The following CYP7B1 variants were observed in gnomAD, a reference collection of about 807,000 sequenced individuals.
CYP7B1 encodes cytochrome P450 family 7 subfamily B member 1.
CYP7B1 carries 29 observed loss-of-function variants against 42.7 expected under a neutral mutation model. The ratio of observed to expected loss-of-function variants is 0.68; its 90% CI spans 0.51 to 0.93. CYP7B1 has a LOEUF of 0.93. CYP7B1 is among the 40% of genes least tolerant of loss of function. The pLI, the probability that CYP7B1 is intolerant of heterozygous loss-of-function variation, is 0.00. For missense variants in CYP7B1, 655 were observed against 600.5 expected (o/e 1.09, Z -0.95); for synonymous variants, 235 against 218.2 (o/e 1.08, Z -0.68).
chr8:64,682,400 G>A (rs1168623402), intron 1 of CYP7B1, among the ~76,000 whole-genome samples: 5 of 152,150 alleles, frequency 3.3e-5, no homozygotes, highest in African/African-American at 4.8e-5. Context: ...ACCAAAAGGC[G>A]CTAACCTTTT....
chr8:64,702,039 A>C (rs1481423959), intron 1 of CYP7B1, among the ~76,000 whole-genome samples: 2 of 152,066 alleles, frequency 1.3e-5, no homozygotes, highest in African/African-American at 4.8e-5. Flanking sequence ...TTCATTTTGG[A>C]ACACGACCGG....
intron 1 of CYP7B1, among the ~76,000 whole-genome samples, chr8:64,748,420 G>C (rs1807678757): frequency 6.6e-6 from 1 of 152,082 alleles, no homozygotes; most frequent in Non-Finnish European, 1.5e-5. Flanking sequence ...AATCCAGTAA[G>C]TACTTCTCAG....
intron 1 of CYP7B1, among the ~76,000 whole-genome samples, chr8:64,754,535 C>G (rs1211266626): frequency 6.6e-6 from 1 of 151,982 alleles, no homozygotes; most frequent in Non-Finnish European, 1.5e-5. Flanking sequence ...ACTGGAAGGA[C>G]TAGAGGAAGT....
At chr8:64,736,477 C>A in intron 1 of CYP7B1, among the ~76,000 whole-genome samples, 1 of 152,096 alleles carries the variant, frequency 6.6e-6, no homozygotes, top group East Asian at 1.9e-4. Context: ...TTGAGACAGA[C>A]TTTTGCTCTG....
At chr8:64,602,212 C>T (rs1805214228) in intron 5 of CYP7B1, among the ~76,000 whole-genome samples, 1 of 152,238 alleles carries the variant, frequency 6.6e-6, no homozygotes, top group South Asian at 2.1e-4. Context: ...GTTATGCCCC[C>T]CTACAAAGTT....
chr8:64,713,332 A>G (rs1357904234), intron 1 of CYP7B1, among the ~76,000 whole-genome samples: 5 of 151,618 alleles, frequency 3.3e-5, no homozygotes, highest in Admixed American at 6.6e-5. Flanking sequence ...GATGCAATAA[A>G]AAGTTATCAG....
intron 1 of CYP7B1, among the ~76,000 whole-genome samples, chr8:64,694,294 C>A (rs1057324779): frequency 1.3e-5 from 2 of 152,142 alleles, no homozygotes; most frequent in African/African-American, 4.8e-5. Context: ...ACATTTGAAA[C>A]CTTATTTTCA....
At chr8:64,604,974 A>G (rs1451566233) in intron 4 of CYP7B1, 117 bp from the exon 5 acceptor site, 1 of 1,190,266 alleles carries the variant, frequency 8.4e-7, no homozygotes, top group Non-Finnish European at 1.2e-6. Flanking sequence ...CTGTTTCTTC[A>G]TCACATACAT....
chr8:64,773,456 GC>G (rs1414402047), intron 1 of CYP7B1, among the ~76,000 whole-genome samples: 1 of 152,096 alleles, frequency 6.6e-6, no homozygotes, highest in Non-Finnish European at 1.5e-5. Flanking sequence ...TAGGTCACAC[GC>G]CTACTCTTCA....
At chr8:64,672,879 C>T (rs1446925669) in intron 1 of CYP7B1, among the ~76,000 whole-genome samples, 3 of 152,098 alleles carry the variant, frequency 2.0e-5, no homozygotes, top group Non-Finnish European at 4.4e-5. Flanking sequence ...TTGGTTTGTT[C>T]TTTTCCAGGA....
chr8:64,744,759 C>T (rs541176789), intron 1 of CYP7B1, among the ~76,000 whole-genome samples: 9 of 152,272 alleles, frequency 5.9e-5, no homozygotes, highest in Non-Finnish European at 1.3e-4. Context: ...ATTTGATCCA[C>T]AACCAAATAT....
chr8:64,756,100 A>G (rs1807804129), intron 1 of CYP7B1, among the ~76,000 whole-genome samples: 1 of 152,206 alleles, frequency 6.6e-6, no homozygotes, highest in African/African-American at 2.4e-5. Context: ...AGAAGTGTCT[A>G]GCTTCCATGG....
At chr8:64,765,388 T>A (rs1367014374) in intron 1 of CYP7B1, among the ~76,000 whole-genome samples, 1 of 152,182 alleles carries the variant, frequency 6.6e-6, no homozygotes, top group Non-Finnish European at 1.5e-5. Flanking sequence ...GCTTACACCC[T>A]CTATGAAATG....
intron 5 of CYP7B1, among the ~76,000 whole-genome samples, chr8:64,601,408 C>G (rs1368852004): frequency 1.3e-5 from 2 of 152,186 alleles, no homozygotes; most frequent in African/African-American, 4.8e-5. Flanking sequence ...GTCACCAGGT[C>G]TCCCTTTATC....
chr8:64,767,320 A>G (rs1804111894), intron 1 of CYP7B1, among the ~76,000 whole-genome samples: 1 of 138,424 alleles, frequency 7.2e-6, no homozygotes, highest in Non-Finnish European at 1.5e-5. Context: ...TGCCAGGTTC[A>G]TCGGAAAGGA....
At chr8:64,692,861 G>C (rs1046976839) in intron 1 of CYP7B1, among the ~76,000 whole-genome samples, 5 of 152,108 alleles carry the variant, frequency 3.3e-5, no homozygotes, top group Non-Finnish European at 4.4e-5. Flanking sequence ...AACTGTTCTC[G>C]AGCCACATGT....
At chr8:64,686,032 C>G (rs1198910387) in intron 1 of CYP7B1, among the ~76,000 whole-genome samples, 1 of 108,950 alleles carries the variant, frequency 9.2e-6, no homozygotes, top group Non-Finnish European at 2.0e-5. Flanking sequence ...CGGCCAGCCA[C>G]CCCGTCCGGG....
chr8:64,794,732 A>G (rs1368441607), intron 1 of CYP7B1, among the ~76,000 whole-genome samples: 1 of 152,210 alleles, frequency 6.6e-6, no homozygotes, highest in East Asian at 1.9e-4. Context: ...GGGGAAGCAA[A>G]CGTTCAAACC....
chr8:64,783,428 T>C (rs1804464144), intron 1 of CYP7B1, among the ~76,000 whole-genome samples: 1 of 152,158 alleles, frequency 6.6e-6, no homozygotes, highest in Admixed American at 6.5e-5. Context: ...TGACTAAAAC[T>C]TATCTTAACA....
Sources: gnomAD v4.1 joint callset for allele counts (sites outside exome capture counted in the v4.1 genomes callset) on GRCh38, gnomAD v4.1.1 for gene constraint, MANE v1.5 for transcripts, NCBI Gene and HGNC (gene_info 2026-07-23, HGNC 2026-07-21) for gene names.